Variants in GUCY2C observed in about 807,000 individuals in gnomAD.
GUCY2C encodes the protein guanylate cyclase 2C.
Under a neutral mutation model 131.1 loss-of-function variants are expected in GUCY2C, and 118 were observed. The ratio of observed to expected loss-of-function variants is 0.90; its 90% CI spans 0.78 to 1.05. GUCY2C has a LOEUF of 1.05. Ranked by LOEUF, GUCY2C falls within the 50% of genes least tolerant of loss-of-function variation. GUCY2C has a pLI of 0.00. For missense variants in GUCY2C, 1,161 were observed against 1,304.4 expected (o/e 0.89, Z 1.69); for synonymous variants, 452 against 457.8 (o/e 0.99, Z 0.16).
At chr12:14,639,336 T>C (rs1947347158) in intron 19 of GUCY2C, among the ~76,000 whole-genome samples, 1 of 149,864 alleles carries the variant, frequency 6.7e-6, no homozygotes, top group Admixed American at 6.7e-5. Context: ...GAATGAGATG[T>C]GTGCTTTAGA....
At chr12:14,674,805 A>G (rs775996721) in intron 7 of GUCY2C, 45 bp from the exon 8 acceptor site, 1 of 1,476,886 alleles carries the variant, frequency 6.8e-7, no homozygotes, top group East Asian at 2.3e-5. Context: ...TCAAAAAAGA[A>G]TCTTGTCTTG....
rs572315746 is a variant in GUCY2C, at chr12:14,643,598, T to C, written c.1906A>G (p.Asn636Asp). The C allele has an allele frequency of 5.6e-6, 9 of 1,613,988 alleles. No homozygotes were observed. Among genetic ancestry groups the C allele is most frequent in the Non-Finnish European group, 7.6e-6 (9 of 1,179,864 alleles). The change falls in exon 17 of 27, where the codon AAT becomes GAT. Residue 636 changes from asparagine (N) to aspartate (D), a missense_variant. Asn to Asp is a conservative substitution (Grantham distance 23). Transcript: ENST00000261170. ...CCCTTTTTTGGAGGTAAAATGGAATTGCAGCCAAAATCAGTGATCTTCACC... is the reference window on the plus strand; with the variant it reads ...CCCTTTTTTGGAGGTAAAATGGAATCGCAGCCAAAATCAGTGATCTTCACC... ...MVVKITDFGC[N>D]SILPPKKDLW...
At position 14,612,892 on chromosome 12, in the gene GUCY2C, G is replaced by A; in HGVS notation, c.*225C>T. 2.2e-6 allele frequency: 1 copy of A among 450,320 alleles called. No individual in the cohort carries two copies. The highest frequency in any genetic ancestry group is 4.0e-6 in the Non-Finnish European group (1 of 252,078). 27.9% of individuals were successfully genotyped at this position (450,320 alleles called of 1,614,324 possible). On this transcript the variant is annotated 3_prime_UTR_variant, in exon 27 of 27. Coordinates refer to ENST00000261170, the MANE Select transcript of GUCY2C (RefSeq NM_004963.4). Reference sequence around the variant, plus strand: ...TTTCTTTTCCAGGTAGAAGCTCCCTGGAACAACTGCTGGAATAAGGTTCCA... The same window carrying A: ...TTTCTTTTCCAGGTAGAAGCTCCCTAGAACAACTGCTGGAATAAGGTTCCA...
intron 19 of GUCY2C, among the ~76,000 whole-genome samples, chr12:14,638,415 CT>C (rs1947317679): frequency 6.6e-6 from 1 of 152,190 alleles, no homozygotes; most frequent in Admixed American, 6.5e-5. Context: ...TGCCTGCACA[CT>C]TACATTTATT....
chr12:14,630,581 T>C (rs1947122226), intron 19 of GUCY2C, among the ~76,000 whole-genome samples: 1 of 152,172 alleles, frequency 6.6e-6, no homozygotes, highest in South Asian at 2.1e-4. Flanking sequence ...TTATAAGCAA[T>C]CTAGAGATAA....
In GUCY2C at chr12:14,622,168, C is replaced by T; in HGVS notation, c.2438G>A (p.Gly813Asp). 1.3e-6 allele frequency: 2 copies of T among 1,575,272 alleles called. No homozygotes were observed. Among genetic ancestry groups the T allele is most frequent in the Non-Finnish European group, 1.7e-6 (2 of 1,164,828 alleles). ...CTCATATAGTTCCGGCTCCACAAAG[C>T]CTTTCTCCTTCAGAGACTTTACCAC... is the stretch of plus-strand genomic sequence containing the variant. ...RLVVKSLKEK[G>D]FVEPELYEEV... The change falls in exon 22 of 27, where the codon GGC becomes GAC. Residue 813 changes from glycine (G) to aspartate (D), a missense_variant. Gly to Asp is a moderately conservative substitution (Grantham distance 94). Coordinates refer to ENST00000261170, the MANE Select transcript of GUCY2C (RefSeq NM_004963.4).
Position 14,661,675 on chromosome 12 carries a change from C to T in GUCY2C, c.1283-613G>A, listed in dbSNP as rs909376658. On this transcript the variant is annotated intron_variant, in intron 10 of 26. Transcript: ENST00000261170. Reference sequence around the variant, plus strand: ...CATGAACTCCCGGCCTCAAGCGATCCGCCAACCTCAGTCTCCCAAAGTGCT... The same window carrying T: ...CATGAACTCCCGGCCTCAAGCGATCTGCCAACCTCAGTCTCCCAAAGTGCT... Among the ~76,000 whole-genome samples the T allele has an allele frequency of 4.6e-5, 7 of 152,120 alleles. No homozygotes were observed. The South Asian group carries it at 6.2e-4, about 14-fold the overall frequency.
At chr12:14,621,301 CA>C in intron 22 of GUCY2C, 85 bp from the exon 23 acceptor site, 1 of 1,221,356 alleles carries the variant, frequency 8.2e-7, no homozygotes. Context: ...ATGTCAAACA[CA>C]AAAAGTGATT....
chr12:14,617,028 G>A (rs776165313), intron 24 of GUCY2C, among the ~76,000 whole-genome samples: 5 of 152,080 alleles, frequency 3.3e-5, no homozygotes, highest in Non-Finnish European at 4.4e-5. Flanking sequence ...CTGTCTTTGC[G>A]ATACTGAGTT....
At chr12:14,661,508 G>T (rs1947866252) in intron 10 of GUCY2C, among the ~76,000 whole-genome samples, 1 of 151,770 alleles carries the variant, frequency 6.6e-6, no homozygotes, top group South Asian at 2.1e-4. Flanking sequence ...GCGCAGTCTT[G>T]GCTCACTGCA....
rs1948244594 is a variant in GUCY2C at position 14,676,882 on chromosome 12, T to G, written c.920A>C (p.Asn307Thr). The G allele has an allele frequency of 1.3e-6, 2 of 1,516,620 alleles. No homozygotes were observed. 93.9% of individuals were successfully genotyped at this position (1,516,620 alleles called of 1,614,324 possible). ...TGATAGATTCCTGGAGAAAGAGCTA[T>G]TTAGAAGGGAATTCCCAGGAGACAG... is the stretch of plus-strand genomic sequence containing the variant. ...LTLSPGNSLL[N>T]SSFSRNLSPT... The change falls in exon 7 of 27, where the codon AAT becomes ACT. Residue 307 changes from asparagine to threonine, a missense_variant. Asn to Thr is a moderately conservative substitution (Grantham distance 65). Transcript: ENST00000261170.
intron 25 of GUCY2C, among the ~76,000 whole-genome samples, 200 bp from the exon 26 acceptor site, chr12:14,615,143 A>G (rs928396358): frequency 8.5e-5 from 13 of 152,190 alleles, no homozygotes; most frequent in African/African-American, 2.9e-4. Flanking sequence ...GCCTTTTTAA[A>G]AATAAGTTTC....
chr12:14,655,183 A>C lies in GUCY2C; in HGVS notation c.1470+1329T>G, dbSNP rs189489481. Among the ~76,000 whole-genome samples the C allele has an allele frequency of 1.9e-4, 29 of 152,336 alleles. No homozygotes were observed. The East Asian group carries it at 5.2e-3, about 27-fold the overall frequency. ...AATTCATGAATCACTTTTTGCTCAA[A>C]TAAATTCTATTTTGTCTGTCCAGTG... On this transcript the variant is annotated intron_variant, in intron 12 of 26. Coordinates refer to ENST00000261170, the MANE Select transcript of GUCY2C (RefSeq NM_004963.4).
At chr12:14,650,834 GAGAT>G (rs953310682) in intron 15 of GUCY2C, among the ~76,000 whole-genome samples, 3 of 152,198 alleles carry the variant, frequency 2.0e-5, no homozygotes, top group African/African-American at 7.2e-5. Flanking sequence ...ACTTTTAAAA[GAGAT>G]AGTAACATAT....
intron 2 of GUCY2C, among the ~76,000 whole-genome samples, chr12:14,686,964 A>C (rs893553465): frequency 1.3e-5 from 2 of 152,160 alleles, no homozygotes; most frequent in Admixed American, 6.5e-5. Context: ...TCTGCTGCTA[A>C]GACAGCCTTT....
At chr12:14,664,549 C>T (rs112314568) in intron 10 of GUCY2C, among the ~76,000 whole-genome samples, 4 of 151,950 alleles carry the variant, frequency 2.6e-5, no homozygotes, top group African/African-American at 9.7e-5. Flanking sequence ...ATTAAACATG[C>T]TTTTCAGTTT....
chr12:14,672,043 T>G (rs920024120), intron 9 of GUCY2C, among the ~76,000 whole-genome samples: 9 of 151,716 alleles, frequency 5.9e-5, no homozygotes, highest in African/African-American at 1.9e-4. Context: ...ACACATTTAG[T>G]ATATGACTTA....
At chr12:14,614,140 T>C (rs954112775) in intron 26 of GUCY2C, among the ~76,000 whole-genome samples, 1 of 152,110 alleles carries the variant, frequency 6.6e-6, no homozygotes, top group African/African-American at 2.4e-5. Flanking sequence ...AAGACATGCA[T>C]GAAGTGAACT....
At chr12:14,651,238 T>C (rs1339807606) in intron 15 of GUCY2C, among the ~76,000 whole-genome samples, 169 bp downstream of exon 15, 1 of 152,216 alleles carries the variant, frequency 6.6e-6, no homozygotes, top group Non-Finnish European at 1.5e-5. Flanking sequence ...TGCTTGTTTA[T>C]AAAAACATAA....
Sources: allele counts gnomAD v4.1 joint callset (sites outside exome capture counted in the v4.1 genomes callset), GRCh38; gene constraint gnomAD v4.1.1; transcripts MANE v1.5; gene names NCBI Gene and HGNC (gene_info 2026-07-23, HGNC 2026-07-21).